The following ROBO1 variants were observed in gnomAD, a reference collection of about 807,000 sequenced individuals.
ROBO1 encodes the protein roundabout guidance receptor 1, also known as roundabout homolog 1.
In ROBO1, 149 loss-of-function variants were observed where a neutral mutation model predicts 195.9. The ratio of observed to expected loss-of-function variants is 0.76; its 90% CI spans 0.67 to 0.87. The LOEUF (loss-of-function observed/expected upper bound fraction) is 0.87. Among genes scored for constraint, ROBO1 ranks in the 40% least tolerant of loss-of-function variants. The pLI is 0.00. For missense variants in ROBO1, 1,933 were observed against 2,068.3 expected (o/e 0.93, Z 1.27); for synonymous variants, 816 against 733.2 (o/e 1.11, Z -1.82).
chr3:79,519,198 A>G (rs2107570885), intron 2 of ROBO1, among the ~76,000 whole-genome samples: 1 of 152,280 alleles, frequency 6.6e-6, no homozygotes, highest in East Asian at 1.9e-4. Flanking sequence ...GGAAGAGATG[A>G]TAAGATCTTT....
intron 3 of ROBO1, among the ~76,000 whole-genome samples, chr3:78,960,779 A>AACAC (rs751349324): frequency 1.6e-3 from 202 of 124,586 alleles, no homozygotes; most frequent in East Asian, 4.2e-3. Context: ...TCCGTATTAA[A>AACAC]ACACACACAC....
At chr3:79,683,701 T>C (rs559268065) in intron 1 of ROBO1, among the ~76,000 whole-genome samples, 5 of 152,214 alleles carry the variant, frequency 3.3e-5, no homozygotes, top group African/African-American at 9.6e-5. Flanking sequence ...AATTATACAA[T>C]ATCTGGCTTT....
At chr3:78,603,235 T>C (rs1703278238) in intron 29 of ROBO1, among the ~76,000 whole-genome samples, 1 of 152,156 alleles carries the variant, frequency 6.6e-6, no homozygotes, top group South Asian at 2.1e-4. Context: ...ACCACTTTTA[T>C]TATGTAGTAG....
intron 3 of ROBO1, among the ~76,000 whole-genome samples, chr3:79,003,165 G>T (rs752557931): frequency 7.2e-5 from 11 of 152,002 alleles, no homozygotes; most frequent in Non-Finnish European, 1.5e-4. Flanking sequence ...ATTTTCCTTT[G>T]CTGGGATAGA....
intron 3 of ROBO1, among the ~76,000 whole-genome samples, chr3:79,047,263 T>C (rs1291004793): frequency 2.6e-5 from 4 of 152,110 alleles, no homozygotes; most frequent in Non-Finnish European, 5.9e-5. Context: ...ATGAACTGGG[T>C]AATCTAGTTA....
rs533587402 is a variant in ROBO1 at position 78,985,896 on chromosome 3, G to A, written c.173-46969C>T. The stretch of plus-strand genomic sequence containing the variant: ...TGCCTAGTCAAATATCAGCTATACA[G>A]AGTTAAGATTCAAGTTATGTGGATG... On this transcript the variant is annotated intron_variant, in intron 3 of 30. Coordinates refer to ENST00000464233, the MANE Select transcript of ROBO1 (RefSeq NM_002941.4). Among the ~76,000 whole-genome samples, 7 of 152,240 alleles carry A rather than the reference G, an allele frequency of 4.6e-5. No individual in the cohort carries two copies. In the South Asian group the frequency reaches 1.4e-3, roughly 32 times the overall value.
chr3:78,756,030 A>AT (rs2082920892), intron 4 of ROBO1, among the ~76,000 whole-genome samples: 2 of 152,086 alleles, frequency 1.3e-5, no homozygotes, highest in African/African-American at 2.4e-5. Flanking sequence ...CATATCATGT[A>AT]TTTTTTAACT....
At chr3:79,043,870 A>G (rs764683049) in intron 3 of ROBO1, among the ~76,000 whole-genome samples, 1 of 152,304 alleles carries the variant, frequency 6.6e-6, no homozygotes, top group Non-Finnish European at 1.5e-5. Context: ...ATTCCTTTAA[A>G]ATGCCTTGTA....
intron 2 of ROBO1, among the ~76,000 whole-genome samples, chr3:79,437,421 C>T (rs2038923580): frequency 6.6e-6 from 1 of 151,886 alleles, no homozygotes; most frequent in Non-Finnish European, 1.5e-5. Flanking sequence ...ATCTGTGTAT[C>T]CTACAACCCA....
intron 2 of ROBO1, among the ~76,000 whole-genome samples, chr3:79,213,142 G>A (rs2081995969): frequency 6.6e-6 from 1 of 152,006 alleles, no homozygotes; most frequent in African/African-American, 2.4e-5. Flanking sequence ...TACACTGGAG[G>A]CTGAGGCAGG....
intron 3 of ROBO1, among the ~76,000 whole-genome samples, chr3:78,999,717 A>G (rs1470586592): frequency 6.6e-6 from 1 of 152,092 alleles, no homozygotes; most frequent in East Asian, 1.9e-4. Flanking sequence ...CAAAAAAGAG[A>G]AAATCTTCAT....
chr3:79,345,164 A>T (rs893464335), intron 2 of ROBO1, among the ~76,000 whole-genome samples: 1 of 152,196 alleles, frequency 6.6e-6, no homozygotes, highest in Non-Finnish European at 1.5e-5. Flanking sequence ...ATGTTTACTT[A>T]TTCTTTCAAC....
chr3:78,990,484 A>G (rs1030348948), intron 3 of ROBO1, among the ~76,000 whole-genome samples: 2 of 152,186 alleles, frequency 1.3e-5, no homozygotes, highest in Admixed American at 6.5e-5. Context: ...ACCATAATTT[A>G]TAACTAATAA....
chr3:79,590,139 C>A (rs1318083046), intron 1 of ROBO1, among the ~76,000 whole-genome samples, 178 bp from the exon 2 acceptor site: 1 of 151,614 alleles, frequency 6.6e-6, no homozygotes, highest in East Asian at 1.9e-4. Flanking sequence ...ATACACATTT[C>A]AAACAAATGT....
At chr3:79,221,999 A>C (rs1248516507) in intron 2 of ROBO1, among the ~76,000 whole-genome samples, 1 of 151,980 alleles carries the variant, frequency 6.6e-6, no homozygotes, top group Non-Finnish European at 1.5e-5. Flanking sequence ...AGCTGACAAA[A>C]TCTGGGGGGC....
intron 2 of ROBO1, among the ~76,000 whole-genome samples, chr3:79,460,782 C>G (rs1428050510): frequency 6.6e-6 from 1 of 152,004 alleles, no homozygotes; most frequent in Non-Finnish European, 1.5e-5. Context: ...GAGTCTCGCT[C>G]TGTCGCCCAG....
At chr3:79,372,403 G>A (rs961455593) in intron 2 of ROBO1, among the ~76,000 whole-genome samples, 1 of 151,872 alleles carries the variant, frequency 6.6e-6, no homozygotes, top group Non-Finnish European at 1.5e-5. Context: ...TAGAGATGGG[G>A]TTTCACCATG....
chr3:78,693,871 G>A (rs770811141), intron 8 of ROBO1, among the ~76,000 whole-genome samples: 15 of 152,076 alleles, frequency 9.9e-5, no homozygotes, highest in Non-Finnish European at 2.1e-4. Context: ...ACGCAAATAG[G>A]CATGAGTCAC....
At chr3:79,225,379 A>C (rs2082209042) in intron 2 of ROBO1, among the ~76,000 whole-genome samples, 2 of 152,186 alleles carry the variant, frequency 1.3e-5, no homozygotes, top group African/African-American at 4.8e-5. Context: ...GTTAATGGAA[A>C]ATTTTAAAAA....
Sources: gnomAD v4.1 joint callset for allele counts (sites outside exome capture counted in the v4.1 genomes callset) on GRCh38, gnomAD v4.1.1 for gene constraint, MANE v1.5 for transcripts, NCBI Gene and HGNC (gene_info 2026-07-23, HGNC 2026-07-21) for gene names.